The following KIAA1217 variants were observed in gnomAD, a reference collection of about 807,000 sequenced individuals.
KIAA1217 encodes sickle tail protein homolog.
KIAA1217 carries 88 observed loss-of-function variants against 163.9 expected under a neutral mutation model. The ratio of observed to expected loss-of-function variants is 0.54; its 90% CI spans 0.45 to 0.64. KIAA1217 has a LOEUF of 0.64. KIAA1217 is among the 30% of genes least tolerant of loss of function. The pLI is 0.00. For synonymous variants in KIAA1217, 903 were observed against 923.1 expected (o/e 0.98, Z 0.39); for missense variants, 2,372 against 2,475.0 (o/e 0.96, Z 0.88).
rs371035355 is a variant in KIAA1217, at chr10:24,546,131, C to T, written c.5639C>T (p.Pro1880Leu). 40 of 1,614,016 alleles carry T rather than the reference C, an allele frequency of 2.5e-5. No homozygotes were observed. The highest frequency in any genetic ancestry group is 2.1e-4 in the African/African-American group (16 of 74,916). ...TGKGHHLSFSPQSQNGRAPPP... is the reference protein window; with the variant it reads ...TGKGHHLSFSLQSQNGRAPPP... ...AAAGGTCACCATCTTTCATTCTCAC[C>T]GCAGAGTCAAAATGGCCGAGCACCC... Residue 1880 changes from proline (P) to leucine (L), a missense_variant, in exon 21 of 21, where the codon CCG (proline) becomes CTG (leucine). Physicochemically the swap from Pro to Leu is moderately conservative, Grantham distance 98 (BLOSUM62 -3). Around this residue, in one of 3 missense-constraint regions of KIAA1217, gnomAD observed 690 missense variants for 677.5 expected, o/e 1.02. Coordinates refer to ENST00000376454, the MANE Select transcript of KIAA1217 (RefSeq NM_019590.5).
At chr10:24,351,258 C>T (rs1053172563) in intron 2 of KIAA1217, among the ~76,000 whole-genome samples, 3 of 152,132 alleles carry the variant, frequency 2.0e-5, no homozygotes, top group African/African-American at 4.8e-5. Context: ...AGTGATTATG[C>T]GTCTTGTAAA....
chr10:24,427,952 T>G (rs1270925384), intron 3 of KIAA1217, among the ~76,000 whole-genome samples: 1 of 152,222 alleles, frequency 6.6e-6, no homozygotes, highest in African/African-American at 2.4e-5. Context: ...AAAGGCATTT[T>G]TCCCATCCTG....
At chr10:23,931,910 G>A (rs1360706619) in intron 1 of KIAA1217, among the ~76,000 whole-genome samples, 1 of 152,148 alleles carries the variant, frequency 6.6e-6, no homozygotes, top group Non-Finnish European at 1.5e-5. Context: ...GAGGATACAA[G>A]AGCTGTCACT....
At chr10:23,928,463 T>C (rs964830604) in intron 1 of KIAA1217, among the ~76,000 whole-genome samples, 71 of 152,194 alleles carry the variant, frequency 4.7e-4, no homozygotes, top group African/African-American at 1.6e-3. Flanking sequence ...TTTGTTCATT[T>C]ATTTGTTTAT....
chr10:24,466,070 T>C (rs2062918012), intron 5 of KIAA1217, among the ~76,000 whole-genome samples: 1 of 152,214 alleles, frequency 6.6e-6, no homozygotes, highest in Non-Finnish European at 1.5e-5. Context: ...ATCTCCCTCA[T>C]GTTTTCCCTC....
chr10:24,466,560 G>A, intron 5 of KIAA1217: 2 of 985,300 alleles, frequency 2.0e-6, no homozygotes, highest in South Asian at 4.7e-5. Context: ...TCCGAAAACT[G>A]GGTAATACGA....
intron 1 of KIAA1217, among the ~76,000 whole-genome samples, chr10:23,729,827 C>G (rs1039118719): frequency 2.0e-5 from 3 of 151,970 alleles, no homozygotes; most frequent in African/African-American, 7.2e-5. Flanking sequence ...TGGATCATTC[C>G]TTTGGCATTG....
chr10:23,801,539 C>T (rs1420384511), intron 1 of KIAA1217, among the ~76,000 whole-genome samples: 1 of 152,160 alleles, frequency 6.6e-6, no homozygotes, highest in Non-Finnish European at 1.5e-5. Flanking sequence ...AGTCTGACTC[C>T]ATCCAAGGGT....
intron 2 of KIAA1217, among the ~76,000 whole-genome samples, chr10:24,092,927 GTT>G (rs1491405354): frequency 2.6e-5 from 3 of 117,588 alleles, no homozygotes; most frequent in Admixed American, 1.5e-4. Context: ...GTGTGTGTGT[GTT>G]GTGTGTGTGT....
intron 14 of KIAA1217, among the ~76,000 whole-genome samples, chr10:24,529,428 A>G (rs1304477726): frequency 1.3e-5 from 2 of 152,154 alleles, no homozygotes; most frequent in African/African-American, 2.4e-5. Context: ...ATTTGTGTGG[A>G]TTCAACATAG....
chr10:24,060,866 T>C (rs2060697259), intron 2 of KIAA1217, among the ~76,000 whole-genome samples: 1 of 152,190 alleles, frequency 6.6e-6, no homozygotes, highest in East Asian at 1.9e-4. Context: ...TGACCTAACA[T>C]GTGGTCTCTC....
intron 2 of KIAA1217, among the ~76,000 whole-genome samples, chr10:24,309,270 TA>T (rs1398531211): frequency 2.0e-4 from 30 of 151,958 alleles, no homozygotes; most frequent in African/African-American, 7.0e-4. Flanking sequence ...GGGGATGTGA[TA>T]TGGTATGAGG....
At chr10:24,409,956 T>C (rs530264341) in intron 3 of KIAA1217, among the ~76,000 whole-genome samples, 14 of 151,720 alleles carry the variant, frequency 9.2e-5, no homozygotes, top group African/African-American at 3.4e-4. Flanking sequence ...CCATCATATA[T>C]ATATCACAAT....
At chr10:23,805,859 A>C (rs1836709912) in intron 1 of KIAA1217, among the ~76,000 whole-genome samples, 1 of 151,840 alleles carries the variant, frequency 6.6e-6, no homozygotes, top group Non-Finnish European at 1.5e-5. Context: ...ACTAACAAAT[A>C]CAAAAAATTA....
intron 2 of KIAA1217, among the ~76,000 whole-genome samples, chr10:24,350,347 G>A (rs765402370): frequency 6.6e-6 from 1 of 152,184 alleles, no homozygotes; most frequent in Non-Finnish European, 1.5e-5. Context: ...AAATTAGGAG[G>A]AGGGGAGGCA....
intron 3 of KIAA1217, among the ~76,000 whole-genome samples, chr10:24,391,915 C>T (rs7082436): frequency 0.52 from 78,503 of 151,952 alleles, 22,846 homozygotes; most frequent in African/African-American, 0.8. Flanking sequence ...TTTCCTGATG[C>T]GAAAAATACT....
intron 2 of KIAA1217, among the ~76,000 whole-genome samples, chr10:24,072,275 A>G (rs1319752555): frequency 6.6e-6 from 1 of 151,986 alleles, no homozygotes; most frequent in Non-Finnish European, 1.5e-5. Context: ...CAATGCTCCC[A>G]CCTCAGCCTC....
At chr10:23,770,135 G>A (rs1480735515) in intron 1 of KIAA1217, among the ~76,000 whole-genome samples, 1 of 152,210 alleles carries the variant, frequency 6.6e-6, no homozygotes, top group Non-Finnish European at 1.5e-5. Context: ...TGGAGGCTGG[G>A]AGAACCATTC....
chr10:24,367,922 T>G (rs1393658236), intron 2 of KIAA1217, among the ~76,000 whole-genome samples: 2 of 152,214 alleles, frequency 1.3e-5, no homozygotes, highest in African/African-American at 4.8e-5. Context: ...TGTTCGGCCA[T>G]CTGGCTTTGT....
Sources: gnomAD v4.1 joint callset for allele counts (sites outside exome capture counted in the v4.1 genomes callset) on GRCh38, gnomAD v4.1.1 for gene constraint, gnomAD v4.1.1 regional missense constraint, MANE v1.5 for transcripts, NCBI Gene and HGNC (gene_info 2026-07-23, HGNC 2026-07-21) for gene names.